EP400: variants seen among roughly 807,000 people sequenced by gnomAD.
EP400 encodes E1A-binding protein p400.
EP400 carries 105 observed loss-of-function variants against 354.1 expected under a neutral mutation model. That is an observed-to-expected ratio of 0.30 (90% CI 0.25 to 0.35). The LOEUF (loss-of-function observed/expected upper bound fraction) is 0.35. Among genes scored for constraint, EP400 ranks in the 10% least tolerant of loss-of-function variants. EP400 has a pLI of 1.00. For synonymous variants in EP400, 1,646 were observed against 1,716.9 expected (o/e 0.96, Z 1.02); for missense variants, 3,280 against 4,121.0 (o/e 0.80, Z 5.59).
chr12:131,996,725 G>A (rs749030340), intron 12 of EP400, among the ~76,000 whole-genome samples: 3 of 152,194 alleles, frequency 2.0e-5, no homozygotes, highest in Non-Finnish European at 2.9e-5. Context: ...GTATCTCCTT[G>A]TGGCTTTAAT....
chr12:132,051,770 C>T (rs1265789308), intron 41 of EP400, among the ~76,000 whole-genome samples: 1 of 151,960 alleles, frequency 6.6e-6, no homozygotes. Context: ...GTCAGGCCCT[C>T]CACAAGAGGT....
At chr12:131,965,523 A>G (rs1892045751) in intron 2 of EP400, among the ~76,000 whole-genome samples, 1 of 152,188 alleles carries the variant, frequency 6.6e-6, no homozygotes, top group Non-Finnish European at 1.5e-5. Context: ...AGTAAAATGC[A>G]CTGTTTTTTA....
At chr12:132,003,074 GGT>G (rs919203943) in intron 12 of EP400, among the ~76,000 whole-genome samples, 2 of 151,832 alleles carry the variant, frequency 1.3e-5, no homozygotes, top group African/African-American at 4.8e-5. Flanking sequence ...AGCTGGGTGT[GGT>G]GGCTCACACC....
chr12:132,069,581 C>T lies in EP400; in HGVS notation c.8961C>T (p.Thr2987=), dbSNP rs774980505. 1.2e-6 allele frequency: 2 copies of T among 1,614,250 alleles called. No homozygotes were observed. Among genetic ancestry groups the T allele is most frequent in the South Asian group, 2.2e-5 (2 of 91,088 alleles). Reference sequence around the variant, plus strand: ...CGGCCCTTAAGACCCAGTTTCTTACCACACCCATCTCCCAGGCCCAGAAAC... The same window carrying T: ...CGGCCCTTAAGACCCAGTTTCTTACTACACCCATCTCCCAGGCCCAGAAAC... ...AQPALKTQFL[T]TPISQAQKLA... Residue 2987 remains threonine, a synonymous_variant, in exon 51 of 53, where the codon ACC becomes ACT. Transcript: ENST00000389561.
Position 132,037,914 on chromosome 12 carries a change from G to T in EP400, c.6064-39G>T, listed in dbSNP as rs149248830. 1.9e-6 allele frequency: 3 copies of T among 1,613,888 alleles called. No individual in the cohort carries two copies. The Admixed American group carries it at 5.0e-5, about 27-fold the overall frequency. ...CCAGCTGAGGTCAGATGCACACTTGGACCTTGTACTGGGGAGTAACACACA... is the reference window on the plus strand; with the variant it reads ...CCAGCTGAGGTCAGATGCACACTTGTACCTTGTACTGGGGAGTAACACACA... On this transcript the variant is annotated intron_variant, in intron 31 of 52. Transcript: ENST00000389561.
At chr12:132,076,928 C>T (rs986294010) in intron 52 of EP400, among the ~76,000 whole-genome samples, 1 of 152,230 alleles carries the variant, frequency 6.6e-6, no homozygotes, top group African/African-American at 2.4e-5. Context: ...GGGGCCCGCC[C>T]TTGAGCAGAG....
chr12:132,062,238 T>C lies in EP400; in HGVS notation c.8013T>C (p.Thr2671=). 1 of 1,614,206 alleles carries C rather than the reference T, an allele frequency of 6.2e-7. No individual in the cohort carries two copies. The highest frequency in any genetic ancestry group is 8.5e-7 in the Non-Finnish European group (1 of 1,180,040). The change falls in exon 46 of 53, where the codon ACT becomes ACC. Residue 2671 remains threonine, a synonymous_variant. Coordinates refer to ENST00000389561, the MANE Select transcript of EP400 (RefSeq NM_015409.5). ...MATTQGVRAV[T]SVTASAVVTT... is the part of the protein sequence containing the mutation. ...CGACTCAGGGTGTTCGAGCGGTCACTTCTGTGACAGCCTCGGCCGTGGTCA... is the reference window on the plus strand; with the variant it reads ...CGACTCAGGGTGTTCGAGCGGTCACCTCTGTGACAGCCTCGGCCGTGGTCA...
intron 15 of EP400, among the ~76,000 whole-genome samples, chr12:132,011,169 G>A (rs1053469467): frequency 1.3e-5 from 2 of 152,152 alleles, no homozygotes; most frequent in East Asian, 1.9e-4. Flanking sequence ...AGTGTTACTC[G>A]TTTCCCCTGG....
Position 132,020,111 on chromosome 12 carries a change from C to G in EP400, c.4340C>G (p.Thr1447Ser). 1 of 1,609,884 alleles carries G rather than the reference C, an allele frequency of 6.2e-7. No homozygotes were observed. Among genetic ancestry groups the G allele is most frequent in the Non-Finnish European group, 8.5e-7 (1 of 1,178,256 alleles). ...PEGRTVAFPS[T>S]HPPRTAAPTT... ...GGTCGCACCGTGGCTTTCCCCAGCACTCACCCGCCCCGGACGGCAGCCCCC... is the reference window on the plus strand; with the variant it reads ...GGTCGCACCGTGGCTTTCCCCAGCAGTCACCCGCCCCGGACGGCAGCCCCC... Residue 1447 changes from threonine (T) to serine (S), a missense_variant, in exon 22 of 53, where the codon ACT (threonine) becomes AGT (serine). Thr to Ser is a moderately conservative substitution (Grantham distance 58). Transcript: ENST00000389561.
In EP400 at chr12:131,979,777, C is replaced by A; in HGVS notation, c.1419C>A (p.Pro473=). ...TDLFKRQQAM[P]STGMAEQSKR... is the part of the protein sequence containing the mutation. Reference sequence around the variant, plus strand: ...TGTTTAAGAGGCAGCAGGCGATGCCCTCCACAGGTATGGCAGGTACGTCGG... The same window carrying A: ...TGTTTAAGAGGCAGCAGGCGATGCCATCCACAGGTATGGCAGGTACGTCGG... The change falls in exon 3 of 53, where the codon CCC becomes CCA. Residue 473 remains proline (P), a synonymous_variant. Coordinates refer to ENST00000389561, the MANE Select transcript of EP400 (RefSeq NM_015409.5). 6.2e-7 allele frequency: 1 copy of A among 1,606,812 alleles called. No homozygotes were observed. The highest frequency in any genetic ancestry group is 1.1e-5 in the South Asian group (1 of 90,096).
intron 21 of EP400, among the ~76,000 whole-genome samples, chr12:132,019,293 T>C (rs1380717297): frequency 6.6e-6 from 1 of 152,214 alleles, no homozygotes; most frequent in Non-Finnish European, 1.5e-5. Context: ...CCTCCTGCCT[T>C]GGTCCCCCAA....
chr12:132,038,228 T>G lies in EP400; in HGVS notation c.6207+132T>G. On this transcript the variant is annotated intron_variant, in intron 32 of 52. Transcript: ENST00000389561. The surrounding 1 kb of genome is among the most constrained non-coding windows in gnomAD (Gnocchi z 4.2). ...TGAAGCCCTCTTCCCGTCCCTGCTTTTGGAACCTCCCCACTCCCTTCTTTC... is the reference window on the plus strand; with the variant it reads ...TGAAGCCCTCTTCCCGTCCCTGCTTGTGGAACCTCCCCACTCCCTTCTTTC... The G allele has an allele frequency of 8.8e-7, 1 of 1,132,492 alleles. No individual in the cohort carries two copies. The highest frequency in any genetic ancestry group is 1.5e-5 in the South Asian group (1 of 64,714). The allele number at this position is 1,132,492 out of a possible 1,614,324, so 70.2% of individuals were successfully genotyped here.
rs576824085 is a variant in EP400, at chr12:131,973,733, T to G, written c.1336-5961T>G. ...ATAAACTAATCTATGCCAGTTAAACTCCAGAAATAAATCCAGAGTGCTCAG... is the reference window on the plus strand; with the variant it reads ...ATAAACTAATCTATGCCAGTTAAACGCCAGAAATAAATCCAGAGTGCTCAG... On this transcript the variant is annotated intron_variant, in intron 2 of 52. Transcript: ENST00000389561. Among the ~76,000 whole-genome samples the G allele has an allele frequency of 9.8e-5, 15 of 152,332 alleles. No individual in the cohort carries two copies. The East Asian group carries it at 2.9e-3, about 29-fold the overall frequency.
Position 132,067,234 on chromosome 12 carries a change from C to A in EP400, c.8750-128C>A. On this transcript the variant is annotated intron_variant, in intron 49 of 52. Coordinates refer to ENST00000389561, the MANE Select transcript of EP400 (RefSeq NM_015409.5). The surrounding 1 kb of genome is among the most constrained non-coding windows in gnomAD (Gnocchi z 5.3). ...ACATTTTAATGTAGTTAAGGGATGG[C>A]TTACTTGTCTCCATAGAGTTTCATA... 2 of 1,378,396 alleles carry A rather than the reference C, an allele frequency of 1.5e-6. No individual in the cohort carries two copies. Among genetic ancestry groups the A allele is most frequent in the South Asian group, 1.4e-5 (1 of 71,730 alleles). 85.4% of individuals were successfully genotyped at this position (1,378,396 alleles called of 1,614,324 possible).
intron 2 of EP400, among the ~76,000 whole-genome samples, chr12:131,974,578 G>C (rs1468158892): frequency 2.6e-5 from 4 of 152,164 alleles, no homozygotes; most frequent in Non-Finnish European, 5.9e-5. Context: ...CCATGGATAA[G>C]CTCTGTTTTG....
chr12:131,956,917 G>T (rs1219033343), intron 1 of EP400, among the ~76,000 whole-genome samples: 1 of 142,668 alleles, frequency 7.0e-6, no homozygotes, highest in African/African-American at 2.6e-5. Context: ...CTTTGCCCAG[G>T]CTGGAGTGCA....
Position 132,023,799 on chromosome 12 carries a change from T to C in EP400, c.4713T>C (p.Ala1571=). Residue 1571 remains alanine (A), a synonymous_variant, in exon 24 of 53, where the codon GCT becomes GCC. Transcript: ENST00000389561. ...RLPSGEVVKI[A]QLASITGPQS... ...CAGGTGGAGAGGTAGTGAAAATAGC[T>C]CAGCTGGCATCCATCACAGGACCAC... 1.2e-6 allele frequency: 2 copies of C among 1,613,462 alleles called. No individual in the cohort carries two copies. The highest frequency in any genetic ancestry group is 1.7e-6 in the Non-Finnish European group (2 of 1,179,846).
chr12:131,990,202 C>A lies in EP400; in HGVS notation c.2550+98C>A. The A allele has an allele frequency of 7.0e-7, 1 of 1,427,076 alleles. No individual in the cohort carries two copies. Among genetic ancestry groups the A allele is most frequent in the Non-Finnish European group, 9.4e-7 (1 of 1,059,986 alleles). The allele number at this position is 1,427,076 out of a possible 1,614,324, so 88.4% of individuals were successfully genotyped here. ...GAGCTCGGGCACCTTGCTTAGGAAG[C>A]TTTCGAGCACCAGAGTCAGCAACGT... On this transcript the variant is annotated intron_variant, in intron 8 of 52. Coordinates refer to ENST00000389561, the MANE Select transcript of EP400 (RefSeq NM_015409.5). This position sits in a 1 kb window ranked among gnomAD's most constrained non-coding sequence, Gnocchi z 4.2.
rs528746408 is a variant in EP400, at chr12:131,979,542, A to T, written c.1336-152A>T. On this transcript the variant is annotated intron_variant, in intron 2 of 52. Transcript: ENST00000389561. ...AATTGTTTATTATACATAAATATAC[A>T]TTACACATGTATATTTAAAGACACG... 2.6e-5 allele frequency among the ~76,000 whole-genome samples: 4 copies of T among 152,366 alleles called. No individual in the cohort carries two copies. The East Asian group carries it at 7.7e-4, about 29-fold the overall frequency.
Sources: allele counts gnomAD v4.1 joint callset (sites outside exome capture counted in the v4.1 genomes callset), GRCh38; gene constraint gnomAD v4.1.1; non-coding constraint Gnocchi (gnomAD v3.1); transcripts MANE v1.5; gene names NCBI Gene and HGNC (gene_info 2026-07-23, HGNC 2026-07-21).